Variants in CREB5 observed in about 807,000 individuals in gnomAD.
CREB5 encodes cAMP responsive element binding protein 5, also known as cyclic AMP-responsive element-binding protein 5.
A neutral mutation model predicts 57.1 loss-of-function variants in CREB5; 19 were observed. The observed-to-expected ratio is 0.33, with a 90% confidence interval of 0.23 to 0.49. The LOEUF (loss-of-function observed/expected upper bound fraction) is 0.49. Ranked by LOEUF, CREB5 falls within the 20% of genes least tolerant of loss-of-function variation. The pLI is 0.99. For missense variants in CREB5, 579 were observed against 671.6 expected, an observed-to-expected ratio of 0.86 and a Z score of 1.52; for synonymous variants, 238 against 238.3, an observed-to-expected ratio of 1.00 and a Z score of 0.01.
At position 28,412,849 on chromosome 7, in the gene CREB5, A is replaced by G; in HGVS notation, c.-66A>G. On this transcript the variant is annotated 5_prime_UTR_variant, in exon 1 of 11. Coordinates refer to ENST00000357727, the MANE Select transcript of CREB5 (RefSeq NM_182898.4). ...GGTGAAACAGAAGTTACTAGAAAGA[A>G]AGGAAGAAAAAACTTGATTTGGTGA... 2.8e-6 allele frequency: 4 copies of G among 1,416,182 alleles called. No homozygotes were observed. Among genetic ancestry groups the G allele is most frequent in the Non-Finnish European group, 3.7e-6 (4 of 1,069,124 alleles). 87.7% of individuals were successfully genotyped at this position (1,416,182 alleles called of 1,614,324 possible).
rs193051287 is a variant in CREB5 at position 28,685,071 on chromosome 7, A to T, written c.465-33682A>T. On this transcript the variant is annotated intron_variant, in intron 5 of 10. Coordinates refer to ENST00000357727, the MANE Select transcript of CREB5 (RefSeq NM_182898.4). ...GGCTGTTTTTCCTCACTCTGTAATT[A>T]AAAAAGAGACACACATACTGTCTGT... Among the ~76,000 whole-genome samples, 536 of 152,260 alleles carry T rather than the reference A, an allele frequency of 3.5e-3. 3 individuals are homozygous for T. The highest frequency in any genetic ancestry group is 0.012 in the South Asian group (56 of 4,824).
intron 1 of CREB5, among the ~76,000 whole-genome samples, chr7:28,468,853 A>C (rs902205786): frequency 1.3e-5 from 2 of 152,184 alleles, no homozygotes; most frequent in African/African-American, 4.8e-5. Context: ...CAGACTAGAG[A>C]ATTGAAATTC....
At chr7:28,377,101 T>C (rs1786847555) in intron 1 of CREB5, among the ~76,000 whole-genome samples, 1 of 152,332 alleles carries the variant, frequency 6.6e-6, no homozygotes, top group Non-Finnish European at 1.5e-5. Flanking sequence ...ATTTTTACTC[T>C]ACAAGGGGTC....
intron 1 of CREB5, among the ~76,000 whole-genome samples, chr7:28,316,369 C>T (rs1785380462): frequency 6.6e-6 from 1 of 152,008 alleles, no homozygotes; most frequent in African/African-American, 2.4e-5. Context: ...AGCCAAAAAG[C>T]TGGCCCGGGG....
At position 28,386,219 on chromosome 7, in the gene CREB5, A is replaced by C. The variant is rs147475011; in HGVS notation, c.-25+86778A>C. ...CTTCTTTCTGAAGTACATCCTTCAA[A>C]TTTCTTTAATTGAGTGGCTTCTGGC... On this transcript the variant is annotated intron_variant, in intron 1 of 9. Coordinates refer to the CREB5 transcript ENST00000396299. Among the ~76,000 whole-genome samples, 77 of 152,164 alleles carry C rather than the reference A, an allele frequency of 5.1e-4. 1 individual carries two copies. The highest frequency in any genetic ancestry group is 1.8e-3 in the African/African-American group (74 of 41,516).
intron 5 of CREB5, among the ~76,000 whole-genome samples, chr7:28,610,631 A>G (rs1333955196): frequency 1.3e-5 from 2 of 152,144 alleles, no homozygotes; most frequent in Non-Finnish European, 2.9e-5. Context: ...TGGATGGCTG[A>G]GCTGCTAATG....
intron 4 of CREB5, among the ~76,000 whole-genome samples, chr7:28,538,684 C>T (rs748878581): frequency 6.6e-6 from 1 of 152,086 alleles, no homozygotes; most frequent in African/African-American, 2.4e-5. Flanking sequence ...ATGGATACTT[C>T]GATCATTGAT....
chr7:28,623,507 A>G (rs1481671228), intron 5 of CREB5, among the ~76,000 whole-genome samples: 1 of 152,192 alleles, frequency 6.6e-6, no homozygotes. Flanking sequence ...TTCATATTCT[A>G]TAAATGGCTC....
intron 1 of CREB5, among the ~76,000 whole-genome samples, chr7:28,302,033 T>A (rs1484798708): frequency 6.6e-6 from 1 of 152,192 alleles, no homozygotes; most frequent in Non-Finnish European, 1.5e-5. Flanking sequence ...GAAATTGAAA[T>A]TCGTTAAAAT....
chr7:28,383,232 A>C (rs73295128), intron 1 of CREB5, among the ~76,000 whole-genome samples: 1,616 of 152,276 alleles, frequency 0.011, 28 homozygotes, highest in African/African-American at 0.037. Context: ...TGCAGAGAAA[A>C]CTAGGACTTG....
chr7:28,445,079 G>A (rs1451323608), intron 1 of CREB5, among the ~76,000 whole-genome samples: 1 of 152,170 alleles, frequency 6.6e-6, no homozygotes, highest in African/African-American at 2.4e-5. Context: ...TAAGTCTCAC[G>A]AGAACTGATG....
At chr7:28,631,106 T>C (rs953962813) in intron 5 of CREB5, among the ~76,000 whole-genome samples, 5 of 152,180 alleles carry the variant, frequency 3.3e-5, no homozygotes, top group African/African-American at 1.2e-4. Context: ...CGGAAACTTT[T>C]CAATACCGAC....
chr7:28,634,515 A>G (rs1370900210), intron 5 of CREB5, among the ~76,000 whole-genome samples: 1 of 152,156 alleles, frequency 6.6e-6, no homozygotes, highest in African/African-American at 2.4e-5. Flanking sequence ...TTCATTGCTC[A>G]AAAACCTTAG....
rs536686050 is a variant in CREB5, at chr7:28,790,156, T to C, written c.703-14043T>C. Among the ~76,000 whole-genome samples the C allele has an allele frequency of 4.6e-5, 7 of 152,348 alleles. No individual in the cohort carries two copies. In the South Asian group the frequency reaches 1.5e-3, roughly 32 times the overall value. ...TTTATTTATTTCTTTGTTTACAAAT[T>C]GAATTTTAGTGCATATCCCTCCTTC... On this transcript the variant is annotated intron_variant, in intron 7 of 10. Transcript: ENST00000357727.
At chr7:28,514,323 G>A (rs1230571031) in intron 4 of CREB5, among the ~76,000 whole-genome samples, 2 of 152,164 alleles carry the variant, frequency 1.3e-5, no homozygotes, top group African/African-American at 4.8e-5. Context: ...CTCCTAGCCT[G>A]TGGCAGCTTT....
Position 28,570,527 on chromosome 7 carries a change from C to A in CREB5, c.454C>A (p.Arg152Ser). 2 of 1,613,818 alleles carry A rather than the reference C, an allele frequency of 1.2e-6. No homozygotes were observed. Among genetic ancestry groups the A allele is most frequent in the Non-Finnish European group, 1.7e-6 (2 of 1,179,858 alleles). ...SVITQAPSTN[R>S]QIGPVPGSLS... ...CATCACTCAGGCACCTTCCACCAAC[C>A]GCCAGATCGGGTAAGGAGCCCTCCT... The change falls in exon 5 of 11, where the codon CGC becomes AGC. Residue 152 changes from arginine to serine, a missense_variant. Around this residue, in one of 3 missense-constraint regions of CREB5, gnomAD observed 459 missense variants for 515.7 expected, o/e 0.89. Transcript: ENST00000357727.
intron 1 of CREB5, among the ~76,000 whole-genome samples, chr7:28,452,465 T>C (rs1230109380): frequency 6.6e-6 from 1 of 152,202 alleles, no homozygotes; most frequent in Non-Finnish European, 1.5e-5. Flanking sequence ...AAATAATGTG[T>C]ATTTGTATCA....
intron 5 of CREB5, among the ~76,000 whole-genome samples, chr7:28,658,210 T>A (rs1211381112): frequency 1.3e-5 from 2 of 152,182 alleles, no homozygotes; most frequent in Non-Finnish European, 2.9e-5. Flanking sequence ...TTTGGAGCCA[T>A]TTCTCTCATG....
chr7:28,441,078 C>A (rs1789166952), intron 1 of CREB5, among the ~76,000 whole-genome samples: 1 of 152,166 alleles, frequency 6.6e-6, no homozygotes, highest in Non-Finnish European at 1.5e-5. Context: ...ATACTTAACT[C>A]ATCAAAATGT....
Sources: allele counts gnomAD v4.1 joint callset (sites outside exome capture counted in the v4.1 genomes callset), GRCh38; gene constraint gnomAD v4.1.1; regional missense constraint gnomAD v4.1.1; transcripts MANE v1.5; gene names NCBI Gene and HGNC (gene_info 2026-07-23, HGNC 2026-07-21).